SHTN1: variants seen among roughly 807,000 people sequenced by gnomAD.
SHTN1 encodes the protein shootin-1.
Under a neutral mutation model 83.1 loss-of-function variants are expected in SHTN1, and 42 were observed. The observed-to-expected ratio is 0.51, with a 90% CI of 0.39 to 0.65. The LOEUF is 0.65. Among genes scored for constraint, SHTN1 ranks in the 30% least tolerant of loss-of-function variants. SHTN1 has a pLI of 0.00. For synonymous variants in SHTN1, 224 were observed against 247.7 expected, an observed-to-expected ratio of 0.90 and a Z score of 0.90; for missense variants, 622 against 737.8, an observed-to-expected ratio of 0.84 and a Z score of 1.82.
chr10:116,944,849 C>G, intron 8 of SHTN1, 75 bp downstream of exon 8: 1 of 908,842 alleles, frequency 1.1e-6, no homozygotes, highest in Admixed American at 1.8e-5. Context: ...CGAGATTGCG[C>G]CACTGCACTC....
intron 3 of SHTN1, among the ~76,000 whole-genome samples, chr10:116,966,944 C>T (rs183131145): frequency 1.5e-4 from 23 of 152,306 alleles, no homozygotes; most frequent in Admixed American, 1.5e-3. Context: ...CATTGGCCTC[C>T]AAAGACAGGT....
chr10:117,058,138 G>C (rs1483779529), intron 1 of SHTN1, among the ~76,000 whole-genome samples: 1 of 152,040 alleles, frequency 6.6e-6, no homozygotes, highest in Non-Finnish European at 1.5e-5. Context: ...TCTTAGGTAT[G>C]ACAAAAACAA....
chr10:116,994,306 G>A (rs1286077975), intron 1 of SHTN1, among the ~76,000 whole-genome samples: 1 of 152,064 alleles, frequency 6.6e-6, no homozygotes, highest in East Asian at 1.9e-4. Flanking sequence ...ACAGAAAGTT[G>A]AGAAAAGAGA....
intron 9 of SHTN1, 111 bp downstream of exon 9, chr10:116,940,355 T>A: frequency 8.9e-7 from 1 of 1,124,892 alleles, no homozygotes. Flanking sequence ...TAAGGCAAAA[T>A]ATGAAACAGT....
intron 2 of SHTN1, among the ~76,000 whole-genome samples, chr10:117,033,012 A>G (rs1691573422): frequency 6.6e-6 from 1 of 152,206 alleles, no homozygotes; most frequent in South Asian, 2.1e-4. Flanking sequence ...AACAGAACAT[A>G]CAAAAACCTA....
At chr10:116,949,784 A>G (rs1849710875) in intron 6 of SHTN1, among the ~76,000 whole-genome samples, 1 of 152,200 alleles carries the variant, frequency 6.6e-6, no homozygotes, top group Non-Finnish European at 1.5e-5. Flanking sequence ...TAAAACACAT[A>G]TAAATACTCC....
At chr10:117,068,567 A>T (rs1286027332) in intron 1 of SHTN1, among the ~76,000 whole-genome samples, 4 of 151,936 alleles carry the variant, frequency 2.6e-5, no homozygotes, top group Non-Finnish European at 5.9e-5. Context: ...TGTGGAACTG[A>T]GAAAGATTTT....
chr10:117,067,516 A>G (rs1853019612), intron 1 of SHTN1, among the ~76,000 whole-genome samples: 2 of 152,078 alleles, frequency 1.3e-5, no homozygotes, highest in South Asian at 4.2e-4. Context: ...AATCGCTTGA[A>G]CCTGGGAGGC....
At chr10:117,093,966 G>A (rs1236615647) in intron 1 of SHTN1, among the ~76,000 whole-genome samples, 36 of 152,122 alleles carry the variant, frequency 2.4e-4, no homozygotes, top group Non-Finnish European at 1.5e-5. Flanking sequence ...TTTGAGGGAG[G>A]CTAATTCTTC....
In SHTN1 at chr10:116,893,629, G is replaced by A. The variant is rs537756176; in HGVS notation, c.1674-7063C>T. Among the ~76,000 whole-genome samples the A allele has an allele frequency of 1.3e-4, 8 of 61,700 alleles. 1 individual carries two copies. The highest frequency in any genetic ancestry group is 1.8e-4 in the Non-Finnish European group (5 of 28,042). 40.5% of individuals were successfully genotyped at this position (61,700 alleles called of 152,430 possible). ...GAAAGCGGAGAAGCGGAGGTTATGAGGAAATGGTGGGGGTGGGAGTATCTA... is the reference window on the plus strand; with the variant it reads ...GAAAGCGGAGAAGCGGAGGTTATGAAGAAATGGTGGGGGTGGGAGTATCTA... On this transcript the variant is annotated intron_variant, in intron 16 of 16. Transcript: ENST00000355371.
chr10:117,082,946 G>A (rs944559927), intron 1 of SHTN1, among the ~76,000 whole-genome samples: 4 of 150,898 alleles, frequency 2.7e-5, no homozygotes, highest in African/African-American at 4.8e-5. Context: ...CGTGAGATGG[G>A]TTTCCTGAAT....
intron 2 of SHTN1, among the ~76,000 whole-genome samples, chr10:117,033,243 CAA>C (rs1316559068): frequency 1.3e-5 from 2 of 151,278 alleles, no homozygotes; most frequent in Non-Finnish European, 3.0e-5. Context: ...ATTGATGAAA[CAA>C]AAAGTTTTTT....
intron 16 of SHTN1, among the ~76,000 whole-genome samples, chr10:116,890,891 C>G (rs934697725): frequency 1.3e-5 from 2 of 152,220 alleles, no homozygotes; most frequent in African/African-American, 2.4e-5. Context: ...GATGAAAATG[C>G]AGCATTCTAA....
chr10:116,894,271 C>A (rs992587419), intron 16 of SHTN1, among the ~76,000 whole-genome samples: 2 of 152,082 alleles, frequency 1.3e-5, no homozygotes, highest in Non-Finnish European at 2.9e-5. Context: ...AAATTAAATG[C>A]AAATTAAAAT....
chr10:116,892,082 A>G (rs564533353), intron 16 of SHTN1, among the ~76,000 whole-genome samples: 101 of 152,316 alleles, frequency 6.6e-4, no homozygotes, highest in African/African-American at 2.4e-3. Context: ...ATAGGTAACA[A>G]TGGCTGGGCA....
intron 1 of SHTN1, among the ~76,000 whole-genome samples, chr10:117,057,029 A>G (rs1258159425): frequency 1.3e-5 from 2 of 152,190 alleles, no homozygotes; most frequent in African/African-American, 4.8e-5. Flanking sequence ...GCAATGAGGT[A>G]AGAAAAATAG....
At chr10:117,118,359 A>G (rs1487716411) in intron 1 of SHTN1, among the ~76,000 whole-genome samples, 1 of 77,402 alleles carries the variant, frequency 1.3e-5, no homozygotes. Context: ...AATATAATCC[A>G]TTTCAAAAAA....
chr10:117,044,132 G>A (rs1401288795), intron 2 of SHTN1, among the ~76,000 whole-genome samples: 2 of 152,022 alleles, frequency 1.3e-5, no homozygotes, highest in African/African-American at 4.8e-5. Flanking sequence ...TAGCAATAAA[G>A]TAAGTATTTT....
chr10:117,117,641 T>C (rs1210701738), intron 1 of SHTN1, among the ~76,000 whole-genome samples: 3 of 152,150 alleles, frequency 2.0e-5, no homozygotes, highest in African/African-American at 7.2e-5. Flanking sequence ...ACTTCAAAAT[T>C]TGCTACAAAG....
Sources: gnomAD v4.1 joint callset for allele counts (sites outside exome capture counted in the v4.1 genomes callset) on GRCh38, gnomAD v4.1.1 for gene constraint, MANE v1.5 for transcripts, NCBI Gene and HGNC (gene_info 2026-07-23, HGNC 2026-07-21) for gene names.